The following SLC10A7 variants were observed in gnomAD, a reference collection of about 807,000 sequenced individuals.
SLC10A7 encodes solute carrier family 10 member 7.
A neutral mutation model predicts 43.2 loss-of-function variants in SLC10A7; 29 were observed. That is an observed-to-expected ratio of 0.67 (90% CI 0.50 to 0.92). The LOEUF is 0.92. Among genes scored for constraint, SLC10A7 ranks in the 40% least tolerant of loss-of-function variants. The probability of loss-of-function intolerance (pLI) is 0.00; values close to 1 mark genes in which losing one functional copy is unlikely to be tolerated. For synonymous variants in SLC10A7, 152 were observed against 144.8 expected (o/e 1.05, Z -0.35); for missense variants, 295 against 403.2 (o/e 0.73, Z 2.30).
At chr4:146,432,446 A>AACAT (rs1430528499) in intron 5 of SLC10A7, among the ~76,000 whole-genome samples, 2 of 152,184 alleles carry the variant, frequency 1.3e-5, no homozygotes, top group African/African-American at 4.8e-5. Context: ...TGATATATAC[A>AACAT]ACATAGATGA....
intron 10 of SLC10A7, among the ~76,000 whole-genome samples, chr4:146,276,916 C>T (rs373169206): frequency 5.3e-5 from 8 of 151,842 alleles, no homozygotes; most frequent in Non-Finnish European, 7.4e-5. Flanking sequence ...ATCATGCCAC[C>T]GCACTCTAGC....
intron 5 of SLC10A7, among the ~76,000 whole-genome samples, chr4:146,351,480 A>G (rs1560824416): frequency 5.3e-5 from 8 of 150,610 alleles, no homozygotes; most frequent in Admixed American, 2.0e-4. Flanking sequence ...TATCCAGGAG[A>G]ACTTCCCCAA....
At chr4:146,470,189 G>C (rs780445217) in intron 4 of SLC10A7, among the ~76,000 whole-genome samples, 10 of 152,054 alleles carry the variant, frequency 6.6e-5, no homozygotes, top group Non-Finnish European at 1.2e-4. Flanking sequence ...CTATCTCATG[G>C]GCTTATTGCT....
chr4:146,254,502 T>G lies in SLC10A7; in HGVS notation c.*1989A>C, dbSNP rs1433298850. On this transcript the variant is annotated 3_prime_UTR_variant, in exon 12 of 12. Transcript: ENST00000335472. ...AAAGAAATAGGCATAAACATATCAC[T>G]AACGCCACCAAAGTTCACTATGTAA... is the stretch of plus-strand genomic sequence containing the variant. 6.6e-6 allele frequency: 1 copy of G among 152,180 alleles called. No homozygotes were observed. Among genetic ancestry groups the G allele is most frequent in the African/African-American group, 2.4e-5 (1 of 41,434 alleles). The allele number at this position is 152,180 out of a possible 1,614,324, so 9.4% of individuals were successfully genotyped here. A position where few individuals can be genotyped will look rare whatever the true frequency, so the allele number is the denominator to read the frequency against.
At chr4:146,431,596 C>T (rs1313822042) in intron 5 of SLC10A7, among the ~76,000 whole-genome samples, 4 of 151,994 alleles carry the variant, frequency 2.6e-5, no homozygotes, top group East Asian at 3.9e-4. Context: ...TAGAACCACA[C>T]GAAAAGTAAT....
chr4:146,469,265 T>C (rs1733345850), intron 4 of SLC10A7, among the ~76,000 whole-genome samples: 1 of 152,134 alleles, frequency 6.6e-6, no homozygotes, highest in Non-Finnish European at 1.5e-5. Flanking sequence ...GCACAAATGG[T>C]TGGTGAAGGT....
intron 5 of SLC10A7, among the ~76,000 whole-genome samples, chr4:146,404,803 T>C (rs1739469167): frequency 6.6e-6 from 1 of 152,112 alleles, no homozygotes; most frequent in African/African-American, 2.4e-5. Context: ...GAACTTTGGA[T>C]ATAAAAGCAC....
chr4:146,342,256 T>C (rs937607204), intron 5 of SLC10A7, among the ~76,000 whole-genome samples: 6 of 151,820 alleles, frequency 4.0e-5, no homozygotes, highest in African/African-American at 1.4e-4. Flanking sequence ...TGTAGAAGTA[T>C]TTTATCTATC....
chr4:146,398,146 TA>T (rs1309611558), intron 5 of SLC10A7, among the ~76,000 whole-genome samples: 2 of 152,186 alleles, frequency 1.3e-5, no homozygotes, highest in East Asian at 3.8e-4. Context: ...ACTGTATGAA[TA>T]GGGAAAAATA....
intron 4 of SLC10A7, chr4:146,477,770 T>C (rs1482420172): frequency 6.6e-6 from 1 of 152,206 alleles, no homozygotes; most frequent in Non-Finnish European, 1.5e-5. Flanking sequence ...AAAGTTGAAA[T>C]ACTTGTGCTT....
At chr4:146,325,324 T>C (rs1326659360) in intron 6 of SLC10A7, among the ~76,000 whole-genome samples, 1 of 152,242 alleles carries the variant, frequency 6.6e-6, no homozygotes, top group Non-Finnish European at 1.5e-5. Context: ...TAATCTTTCA[T>C]CTAATTTCTC....
At chr4:146,407,096 A>G (rs1727770086) in intron 5 of SLC10A7, among the ~76,000 whole-genome samples, 1 of 152,204 alleles carries the variant, frequency 6.6e-6, no homozygotes, top group Non-Finnish European at 1.5e-5. Flanking sequence ...CCCTCACTTT[A>G]TCTTTTCAGA....
At chr4:146,493,507 G>A (rs1398043032) in intron 4 of SLC10A7, among the ~76,000 whole-genome samples, 1 of 151,730 alleles carries the variant, frequency 6.6e-6, no homozygotes, top group Admixed American at 6.6e-5. Context: ...AAAAGAGAGA[G>A]AGGGAGAGAG....
chr4:146,426,866 C>T (rs1729400003), intron 5 of SLC10A7, among the ~76,000 whole-genome samples: 1 of 152,172 alleles, frequency 6.6e-6, no homozygotes, highest in Non-Finnish European at 1.5e-5. Context: ...CAGAGTGAGA[C>T]TCCGTCTCAA....
intron 2 of SLC10A7, chr4:146,514,456 C>T (rs1347224046): frequency 6.6e-6 from 1 of 152,160 alleles, no homozygotes; most frequent in Non-Finnish European, 1.5e-5. Context: ...TATTTCACTT[C>T]AATACAACAA....
At chr4:146,380,926 T>C (rs925810998) in intron 5 of SLC10A7, among the ~76,000 whole-genome samples, 1 of 152,172 alleles carries the variant, frequency 6.6e-6, no homozygotes, top group Non-Finnish European at 1.5e-5. Context: ...AAGCATTTAT[T>C]ATAAATTTAA....
rs1194304926 is a variant in SLC10A7 at position 146,255,507 on chromosome 4, T to C, written c.*984A>G. The C allele has an allele frequency of 6.6e-6, 1 of 152,620 alleles. No individual in the cohort carries two copies. Among genetic ancestry groups the C allele is most frequent in the Non-Finnish European group, 1.5e-5 (1 of 68,040 alleles). 9.5% of individuals were successfully genotyped at this position (152,620 alleles called of 1,614,324 possible). On this transcript the variant is annotated 3_prime_UTR_variant, in exon 12 of 12. Coordinates refer to ENST00000335472, the MANE Select transcript of SLC10A7 (RefSeq NM_001029998.6). ...TGCCAAGGAAATTTTCATTAATAAATTGTCTCAAATACCTTAAGTGTGCTT... is the reference window on the plus strand; with the variant it reads ...TGCCAAGGAAATTTTCATTAATAAACTGTCTCAAATACCTTAAGTGTGCTT...
At chr4:146,354,799 A>G (rs1334313573) in intron 5 of SLC10A7, among the ~76,000 whole-genome samples, 2 of 143,222 alleles carry the variant, frequency 1.4e-5, no homozygotes, top group Non-Finnish European at 3.0e-5. Context: ...AGGATTCCCT[A>G]TTTAATAAAT....
chr4:146,284,103 A>C (rs1729725227), intron 9 of SLC10A7, among the ~76,000 whole-genome samples: 1 of 152,164 alleles, frequency 6.6e-6, no homozygotes, highest in Admixed American at 6.5e-5. Flanking sequence ...AAAAAAGTTA[A>C]AAATGTCATT....
Sources: gnomAD v4.1 joint callset for allele counts (sites outside exome capture counted in the v4.1 genomes callset) on GRCh38, gnomAD v4.1.1 for gene constraint, MANE v1.5 for transcripts, NCBI Gene and HGNC (gene_info 2026-07-23, HGNC 2026-07-21) for gene names.